The following GRIK4 variants were observed in gnomAD, a reference collection of about 807,000 sequenced individuals.
The protein encoded by GRIK4 is glutamate receptor ionotropic, kainate 4.
GRIK4 carries 40 observed loss-of-function variants against 104.9 expected under a neutral mutation model. The ratio of observed to expected loss-of-function variants is 0.38; its 90% CI spans 0.30 to 0.50. The LOEUF is 0.50. GRIK4 is among the 20% of genes least tolerant of loss of function. The pLI, the probability that GRIK4 is intolerant of heterozygous loss-of-function variation, is 0.93. For missense variants in GRIK4, 1,047 were observed against 1,308.1 expected (o/e 0.80, Z 3.08); for synonymous variants, 485 against 524.9 (o/e 0.92, Z 1.04).
intron 5 of GRIK4, among the ~76,000 whole-genome samples, chr11:120,815,728 G>T (rs1952939147): frequency 6.6e-6 from 1 of 152,134 alleles, no homozygotes; most frequent in South Asian, 2.1e-4. Flanking sequence ...GGGTCCCATG[G>T]CGGTGCCCCC....
intron 1 of GRIK4, among the ~76,000 whole-genome samples, chr11:120,568,621 C>T (rs986990258): frequency 2.0e-5 from 3 of 152,166 alleles, no homozygotes; most frequent in Admixed American, 6.5e-5. Context: ...CTCCTGGCCT[C>T]AAGTGATCCA....
intron 4 of GRIK4, among the ~76,000 whole-genome samples, chr11:120,811,257 T>C (rs1354069714): frequency 6.6e-6 from 1 of 152,130 alleles, no homozygotes; most frequent in Admixed American, 6.5e-5. Context: ...TAATATGTTA[T>C]AAAAAGGAAT....
rs565640040 is a variant in GRIK4 at position 120,561,302 on chromosome 11, G to A, written c.-159+49415G>A. On this transcript the variant is annotated intron_variant, in intron 1 of 20. Coordinates refer to ENST00000527524, the MANE Select transcript of GRIK4 (RefSeq NM_014619.5). ...GAAATCCAGAAGGTTTTGATGGAGC[G>A]CTTCTCCCTCATGTTCTAGAAGATA... Among the ~76,000 whole-genome samples, 15 of 152,294 alleles carry A rather than the reference G, an allele frequency of 9.8e-5. No homozygotes were observed. The South Asian group carries it at 2.9e-3, about 29-fold the overall frequency.
intron 3 of GRIK4, among the ~76,000 whole-genome samples, chr11:120,754,245 C>T (rs547757262): frequency 2.3e-4 from 35 of 152,250 alleles, no homozygotes; most frequent in African/African-American, 7.9e-4. Flanking sequence ...AACTCTTGAC[C>T]TCATCATCTG....
At chr11:120,758,710 T>C (rs1241002096) in intron 3 of GRIK4, among the ~76,000 whole-genome samples, 1 of 152,174 alleles carries the variant, frequency 6.6e-6, no homozygotes, top group African/African-American at 2.4e-5. Flanking sequence ...GAGTGAAACA[T>C]TACAGAAGAC....
chr11:120,868,459 TGAG>T (rs1954486567), intron 9 of GRIK4: 1 of 135,476 alleles, frequency 7.4e-6, no homozygotes, highest in African/African-American at 2.9e-5. Flanking sequence ...CACACACAGA[TGAG>T]GAGTAGAGGC....
chr11:120,652,636 G>A (rs1949636099), intron 1 of GRIK4, among the ~76,000 whole-genome samples: 1 of 152,008 alleles, frequency 6.6e-6, no homozygotes, highest in South Asian at 2.1e-4. Context: ...GGAGCATCAG[G>A]AAGAGTAATC....
At chr11:120,578,968 G>T (rs932230837) in intron 1 of GRIK4, among the ~76,000 whole-genome samples, 1 of 152,208 alleles carries the variant, frequency 6.6e-6, no homozygotes, top group African/African-American at 2.4e-5. Flanking sequence ...TGAGGCGGGA[G>T]TTCCTGCAGG....
chr11:120,983,708 T>C (rs1334807838), intron 20 of GRIK4, among the ~76,000 whole-genome samples: 9 of 152,162 alleles, frequency 5.9e-5, no homozygotes, highest in Admixed American at 5.9e-4. Flanking sequence ...CTCCCAGCAA[T>C]TGGTCACCCT....
chr11:120,809,530 A>G (rs1264354983), intron 4 of GRIK4, among the ~76,000 whole-genome samples: 1 of 152,282 alleles, frequency 6.6e-6, no homozygotes, highest in Non-Finnish European at 1.5e-5. Context: ...AGCCACTGCT[A>G]AGACCCTAAT....
chr11:120,732,319 G>A, intron 3 of GRIK4, among the ~76,000 whole-genome samples: 1 of 152,044 alleles, frequency 6.6e-6, no homozygotes, highest in East Asian at 1.9e-4. Flanking sequence ...TTTTTTAGTA[G>A]AGACGGGGTT....
intron 3 of GRIK4, among the ~76,000 whole-genome samples, chr11:120,677,023 A>G (rs1950108678): frequency 6.6e-6 from 1 of 152,100 alleles, no homozygotes; most frequent in Non-Finnish European, 1.5e-5. Flanking sequence ...ATCATCAACC[A>G]TTTTGCATAA....
intron 5 of GRIK4, 54 bp downstream of exon 5, chr11:120,815,529 G>C: frequency 9.3e-7 from 1 of 1,077,092 alleles, no homozygotes; most frequent in Non-Finnish European, 1.3e-6. Context: ...TGTGCCCAGG[G>C]TCCAAAGATA....
intron 5 of GRIK4, among the ~76,000 whole-genome samples, chr11:120,817,633 T>C (rs1048901897): frequency 1.4e-4 from 22 of 152,180 alleles, no homozygotes; most frequent in Non-Finnish European, 2.8e-4. Flanking sequence ...CCCACACACC[T>C]CCGTGATGGC....
rs1159724861 is a variant in GRIK4, at chr11:120,905,196, C to G, written c.1273-94C>G. The stretch of plus-strand genomic sequence containing the variant: ...CAGTTTCCTCCTTCTGCCCCATGTC[C>G]TCCCCGACCCTCTGTGCCCCTGGCC... On this transcript the variant is annotated intron_variant, in intron 12 of 20. Transcript: ENST00000527524. The surrounding 1 kb of genome is among the most constrained non-coding windows in gnomAD (Gnocchi z 5.1). The G allele has an allele frequency of 1.1e-6, 1 of 892,608 alleles. No homozygotes were observed. The highest frequency in any genetic ancestry group is 1.9e-6 in the Non-Finnish European group (1 of 535,188). 55.3% of individuals were successfully genotyped at this position (892,608 alleles called of 1,614,324 possible).
chr11:120,604,171 C>CA (rs59469495), intron 1 of GRIK4, among the ~76,000 whole-genome samples: 1,586 of 51,776 alleles, frequency 0.031, 70 homozygotes, highest in African/African-American at 0.067. Flanking sequence ...GACTCCTTCT[C>CA]AAAAAAAAAA....
At chr11:120,623,971 C>T (rs1424138717) in intron 1 of GRIK4, among the ~76,000 whole-genome samples, 1 of 149,248 alleles carries the variant, frequency 6.7e-6, no homozygotes, top group Non-Finnish European at 1.5e-5. Flanking sequence ...CTCCCCCTTC[C>T]CTCTTCCTCC....
At chr11:120,674,284 A>G (rs1223544369) in intron 3 of GRIK4, among the ~76,000 whole-genome samples, 1 of 152,176 alleles carries the variant, frequency 6.6e-6, no homozygotes, top group Non-Finnish European at 1.5e-5. Flanking sequence ...TATCTGCTCC[A>G]GCCTGGTGGG....
chr11:120,819,061 C>T lies in GRIK4; in HGVS notation c.346-694C>T, dbSNP rs191025652. Among the ~76,000 whole-genome samples, 74 of 152,318 alleles carry T rather than the reference C, an allele frequency of 4.9e-4. No individual in the cohort carries two copies. Among genetic ancestry groups the T allele is most frequent in the Admixed American group, 1.4e-3 (22 of 15,300 alleles). ...GCAGGACAGTGGGTCCTGGAAATGT[C>T]AGTAATAGATGCAGAGGGAAGCTGA... On this transcript the variant is annotated intron_variant, in intron 5 of 20. Transcript: ENST00000527524. The surrounding 1 kb of genome is among the most constrained non-coding windows in gnomAD (Gnocchi z 4.3).
Sources: gnomAD v4.1 joint callset for allele counts (sites outside exome capture counted in the v4.1 genomes callset) on GRCh38, gnomAD v4.1.1 for gene constraint, Gnocchi (gnomAD v3.1) non-coding constraint, MANE v1.5 for transcripts, NCBI Gene and HGNC (gene_info 2026-07-23, HGNC 2026-07-21) for gene names.